GSE1: variants seen among roughly 807,000 people sequenced by gnomAD.
GSE1 encodes Gse1 coiled-coil protein, also known as genetic suppressor element 1.
GSE1 carries 32 observed loss-of-function variants against 112.6 expected under a neutral mutation model. The ratio of observed to expected loss-of-function variants is 0.28; its 90% CI spans 0.21 to 0.38. GSE1 has a LOEUF of 0.38. Among genes scored for constraint, GSE1 ranks in the 10% least tolerant of loss-of-function variants. The pLI is 1.00. For synonymous variants in GSE1, 1,115 were observed against 735.6 expected (o/e 1.52, Z -8.35); for missense variants, 2,348 against 1,699.2 (o/e 1.38, Z -6.71).
intron 2 of GSE1, among the ~76,000 whole-genome samples, chr16:85,427,280 C>T (rs1278299480): frequency 6.6e-6 from 1 of 152,188 alleles, no homozygotes; most frequent in South Asian, 2.1e-4. Context: ...ATGTGAGCCA[C>T]GTGCTGGCTT....
At position 85,545,460 on chromosome 16, in the gene GSE1, A is replaced by G. The variant is rs78780656; in HGVS notation, c.2465-88454A>G. ...TTTAATTAAGAAGGGTTTCTGGGTA[A>G]AGCGTCTTTGCCAGCTCCTACCACA... On this transcript the variant is annotated intron_variant, in intron 2 of 2. Coordinates refer to the GSE1 transcript ENST00000637419. Among the ~76,000 whole-genome samples the G allele has an allele frequency of 5.7e-3, 867 of 152,160 alleles. 8 individuals carry two copies. The highest frequency in any genetic ancestry group is 0.02 in the African/African-American group (826 of 41,506).
intron 2 of GSE1, among the ~76,000 whole-genome samples, chr16:85,446,316 C>G (rs570967127): frequency 3.4e-4 from 52 of 152,320 alleles, no homozygotes; most frequent in African/African-American, 1.2e-3. Context: ...GCTGTGAGAC[C>G]TTGGGCGGTA....
chr16:85,589,225 C>T (rs892532515), intron 1 of GSE1, among the ~76,000 whole-genome samples: 3 of 152,176 alleles, frequency 2.0e-5, no homozygotes, highest in South Asian at 2.1e-4. Flanking sequence ...CTGCCTGGGG[C>T]ATGGGAGACC....
intron 2 of GSE1, among the ~76,000 whole-genome samples, chr16:85,452,158 G>C (rs1306999864): frequency 6.6e-6 from 1 of 152,204 alleles, no homozygotes. Context: ...TGCTGAAGCC[G>C]TTTGCCACCC....
At chr16:85,452,771 G>C (rs1257699193) in intron 2 of GSE1, among the ~76,000 whole-genome samples, 1 of 152,232 alleles carries the variant, frequency 6.6e-6, no homozygotes, top group Non-Finnish European at 1.5e-5. Context: ...AACTCCGGGT[G>C]TCTTTCCCAG....
intron 1 of GSE1, among the ~76,000 whole-genome samples, chr16:85,269,883 C>T (rs1908657163): frequency 6.7e-6 from 1 of 149,524 alleles, no homozygotes; most frequent in African/African-American, 2.4e-5. Flanking sequence ...CCAAGCAGCA[C>T]CCGAGGCAGC....
At chr16:85,567,584 G>A (rs1393644025) in intron 1 of GSE1, among the ~76,000 whole-genome samples, 1 of 152,208 alleles carries the variant, frequency 6.6e-6, no homozygotes, top group African/African-American at 2.4e-5. Flanking sequence ...TCCGAAGGCA[G>A]TGGTCCCAGC....
At chr16:85,169,637 G>A in exon 1 of GSE1, 1 of 983,774 alleles carries the variant, frequency 1.0e-6, no homozygotes. Context: ...GGCGGCATCG[G>A]GCGCGGCAAG....
intron 1 of GSE1, among the ~76,000 whole-genome samples, chr16:85,214,370 T>C (rs1439674914): frequency 6.6e-6 from 1 of 151,740 alleles, no homozygotes. Flanking sequence ...CAGGGACTGA[T>C]GTCCTCACAA....
chr16:85,240,962 C>T (rs1046071051), intron 1 of GSE1, among the ~76,000 whole-genome samples: 3 of 152,276 alleles, frequency 2.0e-5, no homozygotes, highest in East Asian at 3.9e-4. Flanking sequence ...AAAAAATGCC[C>T]CCTTGAAAGC....
intron 2 of GSE1, among the ~76,000 whole-genome samples, chr16:85,499,972 G>A (rs2051307604): frequency 6.6e-6 from 1 of 152,206 alleles, no homozygotes; most frequent in Non-Finnish European, 1.5e-5. Context: ...CCATGCTGGG[G>A]AATTTATTGT....
intron 2 of GSE1, among the ~76,000 whole-genome samples, chr16:85,639,851 A>G (rs61729554): frequency 0.019 from 2,885 of 152,336 alleles, 101 homozygotes; most frequent in African/African-American, 0.066. Flanking sequence ...AGCCTCCCGC[A>G]GGGACGCAGC....
intron 1 of GSE1, among the ~76,000 whole-genome samples, chr16:85,240,673 T>C (rs78670114): frequency 0.012 from 1,857 of 152,298 alleles, 42 homozygotes; most frequent in African/African-American, 0.042. Context: ...GGGTGCGCCC[T>C]GCGAGGTTCC....
chr16:85,223,754 G>A (rs932824173), intron 1 of GSE1, among the ~76,000 whole-genome samples: 5 of 151,840 alleles, frequency 3.3e-5, no homozygotes, highest in East Asian at 2.0e-4. Flanking sequence ...ACAGGCTTGC[G>A]CCACCATGCC....
At chr16:85,540,312 A>T (rs538180941) in intron 2 of GSE1, among the ~76,000 whole-genome samples, 39 of 152,272 alleles carry the variant, frequency 2.6e-4, no homozygotes, top group Admixed American at 7.8e-4. Context: ...GCAGCACTAG[A>T]GATTCCACCC....
chr16:85,430,740 A>T (rs2049100112), intron 2 of GSE1, among the ~76,000 whole-genome samples: 1 of 152,160 alleles, frequency 6.6e-6, no homozygotes, highest in Non-Finnish European at 1.5e-5. Context: ...ACCGCTGGGG[A>T]AATCCTGACG....
At chr16:85,649,853 C>G (rs560495801) in intron 3 of GSE1, among the ~76,000 whole-genome samples, 3 of 152,308 alleles carry the variant, frequency 2.0e-5, no homozygotes, top group African/African-American at 7.2e-5. Flanking sequence ...GAGCCACCTG[C>G]TCATCATCAG....
chr16:85,609,059 C>A (rs990651149), upstream of GSE1, among the ~76,000 whole-genome samples: 1 of 152,214 alleles, frequency 6.6e-6, no homozygotes, highest in African/African-American at 2.4e-5. Flanking sequence ...GAGGTTGTGA[C>A]AGTCACGGGT....
At chr16:85,415,718 C>G (rs1387923231) in intron 2 of GSE1, among the ~76,000 whole-genome samples, 2 of 152,254 alleles carry the variant, frequency 1.3e-5, no homozygotes, top group African/African-American at 2.4e-5. Context: ...CCCGGGTCGG[C>G]CTCCAGAAAC....
Sources: allele counts gnomAD v4.1 joint callset (sites outside exome capture counted in the v4.1 genomes callset), GRCh38; gene constraint gnomAD v4.1.1; transcripts MANE v1.5; gene names NCBI Gene and HGNC (gene_info 2026-07-23, HGNC 2026-07-21).